NREP: variants seen among roughly 807,000 people sequenced by gnomAD.
The protein encoded by NREP is neuronal regeneration related protein.
A neutral mutation model predicts 8.6 loss-of-function variants in NREP; 5 were observed. The ratio of observed to expected loss-of-function variants is 0.58; its 90% CI spans 0.30 to 1.22. The LOEUF (loss-of-function observed/expected upper bound fraction) is 1.22, where lower values mean the gene tolerates loss of function less well. NREP is among the 50% of genes most tolerant of loss of function. The probability of loss-of-function intolerance (pLI) is 0.07; values close to 1 mark genes in which losing one functional copy is unlikely to be tolerated. For missense variants in NREP, 86 were observed against 82.5 expected (o/e 1.04, Z -0.17); for synonymous variants, 27 against 28.0 (o/e 0.96, Z 0.11).
At chr5:111,743,336 T>C (rs1209279244) in intron 2 of NREP, among the ~76,000 whole-genome samples, 1 of 152,088 alleles carries the variant, frequency 6.6e-6, no homozygotes, top group Non-Finnish European at 1.5e-5. Context: ...CTGCATAAGC[T>C]TTTCTTTGCC....
At chr5:111,761,835 A>C (rs73787374), upstream of NREP, among the ~76,000 whole-genome samples, 29,197 of 152,190 alleles carry the variant, frequency 0.19, 4,156 homozygotes, top group African/African-American at 0.4. Context: ...ACCTAAGTTC[A>C]ACCAATCAGA....
intron 2 of NREP, among the ~76,000 whole-genome samples, chr5:111,947,575 C>G (rs552192650): frequency 1.3e-5 from 2 of 151,970 alleles, no homozygotes; most frequent in Non-Finnish European, 2.9e-5. Context: ...ATTATCACAA[C>G]AAACCTATGA....
chr5:111,803,527 G>A (rs1752065273), intron 2 of NREP, among the ~76,000 whole-genome samples: 1 of 151,948 alleles, frequency 6.6e-6, no homozygotes, highest in African/African-American at 2.4e-5. Flanking sequence ...TGATATTTCA[G>A]CATTTGGGGG....
chr5:111,966,977 G>C (rs1186741110), intron 2 of NREP, among the ~76,000 whole-genome samples: 4 of 152,184 alleles, frequency 2.6e-5, no homozygotes, highest in Non-Finnish European at 5.9e-5. Flanking sequence ...TCTCAACAAA[G>C]AGACATCTGG....
intron 2 of NREP, among the ~76,000 whole-genome samples, chr5:111,772,891 C>G (rs182916321): frequency 6.6e-6 from 1 of 152,252 alleles, no homozygotes; most frequent in East Asian, 1.9e-4. Context: ...GTAATGTTAT[C>G]TTGTTACTAA....
chr5:111,950,299 G>T (rs756895519), intron 2 of NREP, among the ~76,000 whole-genome samples: 1 of 152,056 alleles, frequency 6.6e-6, no homozygotes, highest in Non-Finnish European at 1.5e-5. Flanking sequence ...AATGGGGAAA[G>T]GATTCCCTAT....
chr5:111,899,227 C>T (rs969138460), intron 2 of NREP, among the ~76,000 whole-genome samples: 1 of 152,086 alleles, frequency 6.6e-6, no homozygotes, highest in African/African-American at 2.4e-5. Context: ...TAACCACCAA[C>T]TCATACAAGC....
chr5:111,744,067 G>A (rs1034605112), intron 2 of NREP, among the ~76,000 whole-genome samples: 2 of 152,140 alleles, frequency 1.3e-5, no homozygotes, highest in African/African-American at 4.8e-5. Flanking sequence ...TTGCTTTGAA[G>A]AGTCTGAAGC....
intron 2 of NREP, among the ~76,000 whole-genome samples, chr5:111,741,202 C>T (rs1170344401): frequency 2.0e-5 from 3 of 152,134 alleles, no homozygotes; most frequent in Non-Finnish European, 4.4e-5. Context: ...TAGGGCAGCA[C>T]GGGTCCAACC....
intron 2 of NREP, among the ~76,000 whole-genome samples, chr5:111,767,878 T>G (rs758893295): frequency 1.3e-5 from 2 of 152,072 alleles, no homozygotes; most frequent in Non-Finnish European, 2.9e-5. Flanking sequence ...TTCTCTGGGC[T>G]GGTCTCAAAC....
intron 2 of NREP, among the ~76,000 whole-genome samples, chr5:111,746,152 T>C (rs1313170760): frequency 1.3e-5 from 2 of 152,210 alleles, no homozygotes; most frequent in African/African-American, 2.4e-5. Context: ...ACAAATTTAA[T>C]TGGATTTCTG....
intron 2 of NREP, among the ~76,000 whole-genome samples, chr5:111,799,313 G>A (rs1751946905): frequency 6.6e-6 from 1 of 152,070 alleles, no homozygotes; most frequent in Admixed American, 6.5e-5. Flanking sequence ...GAATGATGGT[G>A]GCATTTTGAT....
intron 2 of NREP, among the ~76,000 whole-genome samples, chr5:111,799,817 G>A (rs1581126905): frequency 6.6e-6 from 1 of 152,242 alleles, no homozygotes; most frequent in African/African-American, 2.4e-5. Context: ...TTAGCCAATA[G>A]TCCACTTGTC....
intron 2 of NREP, among the ~76,000 whole-genome samples, chr5:111,943,562 C>T (rs745953953): frequency 1.4e-4 from 21 of 152,050 alleles, no homozygotes; most frequent in African/African-American, 4.8e-4. Flanking sequence ...CACTGCACTG[C>T]GAAGCCAGTG....
intron 2 of NREP, among the ~76,000 whole-genome samples, chr5:111,914,070 G>A (rs1754986372): frequency 6.6e-6 from 1 of 152,096 alleles, no homozygotes; most frequent in Non-Finnish European, 1.5e-5. Flanking sequence ...ATGGCAGCCA[G>A]AGGCAAAAGT....
intron 2 of NREP, among the ~76,000 whole-genome samples, chr5:111,893,195 C>G (rs1754433921): frequency 6.6e-6 from 1 of 152,166 alleles, no homozygotes; most frequent in South Asian, 2.1e-4. Context: ...TAATTTCTGT[C>G]CAGTCATCAG....
chr5:111,936,326 A>T (rs1190955601), intron 2 of NREP, among the ~76,000 whole-genome samples: 6 of 151,966 alleles, frequency 3.9e-5, no homozygotes, highest in African/African-American at 1.2e-4. Flanking sequence ...TAAGTGTGTG[A>T]CAGTTCCTCC....
chr5:111,788,731 A>G (rs1456569269), intron 2 of NREP, among the ~76,000 whole-genome samples: 4 of 152,200 alleles, frequency 2.6e-5, no homozygotes, highest in African/African-American at 9.6e-5. Context: ...TTATGTGTCA[A>G]CTTGACTGGG....
intron 2 of NREP, among the ~76,000 whole-genome samples, chr5:111,865,437 G>A (rs1753642810): frequency 1.3e-5 from 2 of 152,078 alleles, no homozygotes; most frequent in African/African-American, 4.8e-5. Context: ...AAGCCACCAG[G>A]GATGAGCAAC....
Sources: allele counts gnomAD v4.1 joint callset (sites outside exome capture counted in the v4.1 genomes callset), GRCh38; gene constraint gnomAD v4.1.1; transcripts MANE v1.5; gene names NCBI Gene and HGNC (gene_info 2026-07-23, HGNC 2026-07-21).